SLC22A25: variants seen among roughly 807,000 people sequenced by gnomAD.
SLC22A25 encodes the protein solute carrier family 22 member 25.
SLC22A25 carries 44 observed loss-of-function variants against 45.9 expected under a neutral mutation model. That is an observed-to-expected ratio of 0.96 (90% CI 0.75 to 1.23). SLC22A25 has a LOEUF of 1.23. Ranked by LOEUF, SLC22A25 falls within the 50% of genes most tolerant of loss-of-function variation. The probability of loss-of-function intolerance (pLI) is 0.00; values close to 1 mark genes in which losing one functional copy is unlikely to be tolerated. For synonymous variants in SLC22A25, 283 were observed against 238.6 expected (o/e 1.19, Z -1.72); for missense variants, 800 against 666.4 (o/e 1.20, Z -2.21).
At chr11:63,195,613 A>C (rs1310922207) in intron 7 of SLC22A25, among the ~76,000 whole-genome samples, 2 of 152,246 alleles carry the variant, frequency 1.3e-5, no homozygotes, top group Admixed American at 6.5e-5. Context: ...CAGTGTGTAG[A>C]GGGAAATTTA....
At position 63,163,848 on chromosome 11, in the gene SLC22A25, G is replaced by C. The variant is rs1435739320; in HGVS notation, c.1620C>G (p.Ala540=). 5 of 1,613,568 alleles carry C rather than the reference G, an allele frequency of 3.1e-6. No individual in the cohort carries two copies. The highest frequency in any genetic ancestry group is 1.3e-5 in the African/African-American group (1 of 74,896). ...VENEGVNSLA[A]PQRSSVL ...CCTATAGCACAGAGCTCCTCTGAGG[G>C]GCAGCTAGGCTATTTACTCCCTCAT... The change falls in exon 12 of 12, where the codon GCC becomes GCG. Residue 540 remains alanine (A), a synonymous_variant. Transcript: ENST00000306494.
chr11:63,234,862 G>T (rs1436107794), intron 3 of SLC22A25, among the ~76,000 whole-genome samples: 1 of 152,152 alleles, frequency 6.6e-6, no homozygotes, highest in East Asian at 1.9e-4. Context: ...GCATTTGCTT[G>T]TGTGTAAATT....
At chr11:63,165,985 C>A (rs1238970913) in intron 10 of SLC22A25, 59 bp downstream of exon 10, 17 of 1,581,550 alleles carry the variant, frequency 1.1e-5, no homozygotes, top group Non-Finnish European at 1.3e-5. Flanking sequence ...GTGACCAGGG[C>A]AATCCCTGAG....
intron 5 of SLC22A25, among the ~76,000 whole-genome samples, chr11:63,218,976 T>C (rs1273392539): frequency 1.3e-5 from 2 of 152,226 alleles, no homozygotes; most frequent in African/African-American, 4.8e-5. Context: ...GATGGCATGA[T>C]TTTGTAGTGG....
intron 7 of SLC22A25, among the ~76,000 whole-genome samples, chr11:63,192,060 GA>G (rs2088835462): frequency 1.3e-5 from 2 of 152,122 alleles, no homozygotes; most frequent in Admixed American, 6.6e-5. Context: ...AATGATGATA[GA>G]AAAAATGTTA....
At chr11:63,186,958 GA>G (rs2088578287) in intron 7 of SLC22A25, among the ~76,000 whole-genome samples, 1 of 152,084 alleles carries the variant, frequency 6.6e-6, no homozygotes, top group African/African-American at 2.4e-5. Context: ...CCTTGTAGTA[GA>G]GTTTGAAGTC....
chr11:63,171,895 A>C (rs2087900469), intron 9 of SLC22A25, among the ~76,000 whole-genome samples: 1 of 152,218 alleles, frequency 6.6e-6, no homozygotes. Context: ...ATACTGCCTG[A>C]CTTCAAATAT....
intron 7 of SLC22A25, among the ~76,000 whole-genome samples, chr11:63,200,564 A>G (rs2089206457): frequency 6.6e-6 from 1 of 152,148 alleles, no homozygotes; most frequent in African/African-American, 2.4e-5. Flanking sequence ...CTGAATGGGC[A>G]AAAGCTGGAA....
At chr11:63,224,576 T>G (rs2089918426) in intron 5 of SLC22A25, among the ~76,000 whole-genome samples, 1 of 152,184 alleles carries the variant, frequency 6.6e-6, no homozygotes, top group South Asian at 2.1e-4. Flanking sequence ...GGTTTCTTGA[T>G]TTTTATTTTT....
At chr11:63,222,157 T>C (rs375678909) in intron 5 of SLC22A25, among the ~76,000 whole-genome samples, 72 of 152,328 alleles carry the variant, frequency 4.7e-4, no homozygotes, top group Admixed American at 1.6e-3. Context: ...GTTTTCTACA[T>C]CTGAGAATAA....
At chr11:63,231,814 G>T (rs1185304195) in intron 3 of SLC22A25, among the ~76,000 whole-genome samples, 2 of 152,174 alleles carry the variant, frequency 1.3e-5, no homozygotes, top group Non-Finnish European at 2.9e-5. Flanking sequence ...TTTGTGTAAG[G>T]TATAAGGAAG....
Position 63,228,571 on chromosome 11 carries a change from GA to G in SLC22A25, c.403-8del. On this transcript the variant is annotated splice_region_variant and splice_polypyrimidine_tract_variant and intron_variant, in intron 4 of 11. Transcript: ENST00000306494. Reference sequence around the variant, plus strand: ...ATTCGCATACCAGATCCCACTGGAAGAAAAGGAAACCCTCATATCAATGCTT... The same window carrying G: ...ATTCGCATACCAGATCCCACTGGAAGAAAGGAAACCCTCATATCAATGCTT... 1.2e-6 allele frequency: 2 copies of G among 1,605,514 alleles called. No individual in the cohort carries two copies. Among genetic ancestry groups the G allele is most frequent in the Non-Finnish European group, 1.7e-6 (2 of 1,173,000 alleles).
chr11:63,171,605 C>T (rs140355334), intron 9 of SLC22A25, among the ~76,000 whole-genome samples: 15 of 152,022 alleles, frequency 9.9e-5, no homozygotes, highest in East Asian at 5.8e-4. Flanking sequence ...TTACAAGGGA[C>T]GTGAAGGAGC....
At chr11:63,211,173 C>T (rs1296412353) in intron 7 of SLC22A25, among the ~76,000 whole-genome samples, 6 of 152,158 alleles carry the variant, frequency 3.9e-5, no homozygotes, top group Non-Finnish European at 8.8e-5. Flanking sequence ...GAGCTTAACC[C>T]TCATGCTGCC....
At chr11:63,238,284 G>C (rs1424870587) in intron 2 of SLC22A25, among the ~76,000 whole-genome samples, 1 of 152,114 alleles carries the variant, frequency 6.6e-6, no homozygotes, top group East Asian at 1.9e-4. Flanking sequence ...TTGCCATAGA[G>C]TGCAATCATT....
rs2090285102 is a variant in SLC22A25, at chr11:63,243,440, T to G, written c.-1002A>C. On this transcript the variant is annotated 5_prime_UTR_variant, in exon 1 of 12. Coordinates refer to ENST00000306494, the MANE Select transcript of SLC22A25 (RefSeq NM_199352.6). Reference sequence around the variant, plus strand: ...CCCTCTGGCCACGATTTACCTGGACTGTTTCTTCGCCAGGATCCCAACTTC... The same window carrying G: ...CCCTCTGGCCACGATTTACCTGGACGGTTTCTTCGCCAGGATCCCAACTTC... The G allele has an allele frequency of 1.3e-6, 1 of 753,494 alleles. No individual in the cohort carries two copies. Among genetic ancestry groups the G allele is most frequent in the Non-Finnish European group, 2.5e-6 (1 of 401,728 alleles). 46.7% of individuals were successfully genotyped at this position (753,494 alleles called of 1,614,324 possible).
At chr11:63,202,654 A>G (rs747195625) in intron 7 of SLC22A25, among the ~76,000 whole-genome samples, 3 of 152,220 alleles carry the variant, frequency 2.0e-5, no homozygotes, top group Non-Finnish European at 2.9e-5. Flanking sequence ...AAGCAGCCCC[A>G]GTCACGGGCT....
intron 3 of SLC22A25, among the ~76,000 whole-genome samples, chr11:63,236,240 G>A (rs1057216748): frequency 6.6e-6 from 1 of 152,222 alleles, no homozygotes; most frequent in Non-Finnish European, 1.5e-5. Context: ...TGCCCCCAGA[G>A]GTGGAGCCTA....
chr11:63,213,358 G>A (rs994050757), intron 7 of SLC22A25, among the ~76,000 whole-genome samples: 10 of 152,208 alleles, frequency 6.6e-5, no homozygotes, highest in African/African-American at 2.4e-4. Flanking sequence ...GTATGTGGAT[G>A]AATGAAAGGG....
Sources: allele counts gnomAD v4.1 joint callset (sites outside exome capture counted in the v4.1 genomes callset), GRCh38; gene constraint gnomAD v4.1.1; transcripts MANE v1.5; gene names NCBI Gene and HGNC (gene_info 2026-07-23, HGNC 2026-07-21).